Variants in PTP4A2 observed in about 807,000 individuals in gnomAD.
PTP4A2 encodes protein tyrosine phosphatase 4A2.
Under a neutral mutation model 22.9 loss-of-function variants are expected in PTP4A2, and 2 were observed. The observed-to-expected ratio is 0.09, with a 90% CI of 0.04 to 0.27. PTP4A2 has a LOEUF of 0.27. PTP4A2 is among the 10% of genes least tolerant of loss of function. PTP4A2 has a pLI of 1.00. For synonymous variants in PTP4A2, 68 were observed against 69.1 expected, an observed-to-expected ratio of 0.98 and a Z score of 0.08; for missense variants, 103 against 205.1, an observed-to-expected ratio of 0.50 and a Z score of 3.04.
intron 5 of PTP4A2, 21 bp from the exon 6 acceptor site, chr1:31,908,981 A>G: frequency 6.5e-7 from 1 of 1,537,246 alleles, no homozygotes; most frequent in Non-Finnish European, 9.0e-7. Context: ...AAGAATGGCA[A>G]ACTTTATCAT....
chr1:31,925,183 T>A (rs374237229), intron 1 of PTP4A2, among the ~76,000 whole-genome samples: 2 of 152,196 alleles, frequency 1.3e-5, no homozygotes, highest in Non-Finnish European at 2.9e-5. Flanking sequence ...CATCTTAACA[T>A]ATACCTTTTG....
intron 1 of PTP4A2, among the ~76,000 whole-genome samples, chr1:31,930,061 G>T (rs575457206): frequency 1.3e-5 from 2 of 152,180 alleles, no homozygotes; most frequent in Non-Finnish European, 2.9e-5. Context: ...ATCTCGGGCC[G>T]GGCGTGGTGG....
intron 1 of PTP4A2, among the ~76,000 whole-genome samples, chr1:31,928,425 C>T (rs867816202): frequency 4.0e-5 from 6 of 151,416 alleles, no homozygotes; most frequent in South Asian, 2.1e-4. Flanking sequence ...TTTGGCCGGG[C>T]GCGATGGCTT....
intron 3 of PTP4A2, chr1:31,914,237 TTG>T (rs1374783573): frequency 4.4e-6 from 2 of 455,564 alleles, no homozygotes; most frequent in Non-Finnish European, 8.8e-6. Context: ...CAGCTAATTT[TTG>T]TATTTTTCGG....
chr1:31,918,230 G>A (rs1180147425), intron 2 of PTP4A2, among the ~76,000 whole-genome samples: 2 of 150,484 alleles, frequency 1.3e-5, no homozygotes, highest in Admixed American at 1.3e-4. Context: ...GCCTGGCGAA[G>A]AGCGAGACTC....
At chr1:31,909,023 G>T in intron 5 of PTP4A2, 63 bp from the exon 6 acceptor site, 1 of 1,186,620 alleles carries the variant, frequency 8.4e-7, no homozygotes, top group Non-Finnish European at 1.3e-6. Context: ...TCACTGAAAT[G>T]CATTATTTAC....
At chr1:31,912,724 G>C (rs1212193961) in intron 3 of PTP4A2, among the ~76,000 whole-genome samples, 1 of 152,078 alleles carries the variant, frequency 6.6e-6, no homozygotes, top group Non-Finnish European at 1.5e-5. Flanking sequence ...ACACTGTTAG[G>C]AATTTTTTTA....
chr1:31,929,302 A>G lies in PTP4A2; in HGVS notation c.-594+8685T>C, dbSNP rs370047994. On this transcript the variant is annotated intron_variant, in intron 1 of 5. Coordinates refer to ENST00000647444, the MANE Select transcript of PTP4A2 (RefSeq NM_080391.4). The stretch of plus-strand genomic sequence containing the variant: ...AAAAAGTATTGGAATAGCACTGGTA[A>G]TAACATTAAAAAATCCTAACAGCAC... 3.3e-5 allele frequency among the ~76,000 whole-genome samples: 5 copies of G among 152,352 alleles called. No homozygotes were observed. In the East Asian group the frequency reaches 5.8e-4, roughly 18 times the overall value.
In PTP4A2 at chr1:31,908,794, G is replaced by C; in HGVS notation, c.*58C>G. The C allele has an allele frequency of 8.2e-7, 1 of 1,217,662 alleles. No individual in the cohort carries two copies. The highest frequency in any genetic ancestry group is 2.3e-5 in the East Asian group (1 of 42,758). The allele number at this position is 1,217,662 out of a possible 1,614,324, so 75.4% of individuals were successfully genotyped here. ...GTAATATTCCAGATTCACATTTCCAGGTACCAAGAGTTCCCTCTAAATGGC... is the reference window on the plus strand; with the variant it reads ...GTAATATTCCAGATTCACATTTCCACGTACCAAGAGTTCCCTCTAAATGGC... On this transcript the variant is annotated 3_prime_UTR_variant, in exon 6 of 6. Coordinates refer to ENST00000647444, the MANE Select transcript of PTP4A2 (RefSeq NM_080391.4).
At chr1:31,934,591 T>C (rs948445124) in intron 1 of PTP4A2, among the ~76,000 whole-genome samples, 2 of 152,244 alleles carry the variant, frequency 1.3e-5, no homozygotes, top group African/African-American at 2.4e-5. Context: ...GTCTGAAAAT[T>C]GTAAAGTGTT....
At chr1:31,926,573 G>C (rs1652475272) in intron 1 of PTP4A2, among the ~76,000 whole-genome samples, 1 of 152,020 alleles carries the variant, frequency 6.6e-6, no homozygotes, top group Admixed American at 6.6e-5. Flanking sequence ...CTTAAAATAA[G>C]TATAAAAAAT....
rs1557858759 is a variant in PTP4A2, at chr1:31,908,130, ATATAT to A, written c.*717_*721del. 0.033 allele frequency: 13 copies of A among 400 alleles called. 5 individuals are homozygous for A. Among genetic ancestry groups the A allele is most frequent in the Non-Finnish European group, 0.047 (10 of 212 alleles). The allele number at this position is 400 out of a possible 1,614,324, so 0.0% of individuals were successfully genotyped here. A position where few individuals can be genotyped will look rare whatever the true frequency, so the allele number is the denominator to read the frequency against. On this transcript the variant is annotated 3_prime_UTR_variant, in exon 6 of 6. Coordinates refer to ENST00000647444, the MANE Select transcript of PTP4A2 (RefSeq NM_080391.4). ...ACCTGGAAAATATATATATATATAT[ATATAT>A]TATATTATATATATATATATATATA...
rs1289934277 is a variant in PTP4A2, at chr1:31,907,577, T to C, written c.*1275A>G. On this transcript the variant is annotated 3_prime_UTR_variant, in exon 6 of 6. Coordinates refer to ENST00000647444, the MANE Select transcript of PTP4A2 (RefSeq NM_080391.4). Reference sequence around the variant, plus strand: ...TTTTAAACCAGGGATTTTTTTTTTTTAATCTCAAAAAACCTAGTAATAACA... The same window carrying C: ...TTTTAAACCAGGGATTTTTTTTTTTCAATCTCAAAAAACCTAGTAATAACA... 6.6e-6 allele frequency: 1 copy of C among 151,944 alleles called. No homozygotes were observed. The highest frequency in any genetic ancestry group is 6.6e-5 in the Admixed American group (1 of 15,240). The allele number at this position is 151,944 out of a possible 1,614,324, so 9.4% of individuals were successfully genotyped here.
intron 2 of PTP4A2, among the ~76,000 whole-genome samples, chr1:31,916,364 A>T (rs1458627122): frequency 2.4e-4 from 34 of 139,412 alleles, no homozygotes; most frequent in African/African-American, 8.4e-4. Context: ...AAAAAAAAAA[A>T]AAAAAAAAGA....
rs112351762 is a variant in PTP4A2 at position 31,922,182 on chromosome 1, C to A, written c.-593-2524G>T. 1.8e-3 allele frequency among the ~76,000 whole-genome samples: 275 copies of A among 152,256 alleles called. 1 individual carries two copies. Among genetic ancestry groups the A allele is most frequent in the African/African-American group, 6.2e-3 (258 of 41,548 alleles). On this transcript the variant is annotated intron_variant, in intron 1 of 5. Coordinates refer to ENST00000647444, the MANE Select transcript of PTP4A2 (RefSeq NM_080391.4). ...CAACAGAAACATCAACTACCCTGAC[C>A]TTTTAAAAAATAAAAAAGTTGGCCG... is the stretch of plus-strand genomic sequence containing the variant.
chr1:31,921,439 A>G (rs1367718963), intron 1 of PTP4A2: 1 of 152,196 alleles, frequency 6.6e-6, no homozygotes, highest in African/African-American at 2.4e-5. Context: ...CAAGAATACA[A>G]AATTATTTGA....
intron 2 of PTP4A2, among the ~76,000 whole-genome samples, chr1:31,917,838 G>A (rs972385901): frequency 7.4e-4 from 113 of 151,810 alleles, no homozygotes; most frequent in African/African-American, 2.7e-3. Flanking sequence ...GCTGGGTGTG[G>A]TGGCGCGCGC....
intron 1 of PTP4A2, among the ~76,000 whole-genome samples, chr1:31,930,673 C>T (rs1464478428): frequency 1.3e-5 from 2 of 152,184 alleles, no homozygotes; most frequent in African/African-American, 2.4e-5. Flanking sequence ...AGTTCACAGA[C>T]ATATGTTTGT....
intron 1 of PTP4A2, among the ~76,000 whole-genome samples, chr1:31,935,235 C>T (rs1652884305): frequency 6.6e-6 from 1 of 152,180 alleles, no homozygotes; most frequent in Non-Finnish European, 1.5e-5. Context: ...ACTTCCCTCA[C>T]GCAGACATAT....
Sources: allele counts gnomAD v4.1 joint callset (sites outside exome capture counted in the v4.1 genomes callset), GRCh38; gene constraint gnomAD v4.1.1; transcripts MANE v1.5; gene names NCBI Gene and HGNC (gene_info 2026-07-23, HGNC 2026-07-21).